Variants in SIRT1 observed in about 807,000 individuals in gnomAD.
SIRT1 encodes the protein sirtuin 1.
Under a neutral mutation model 67.9 loss-of-function variants are expected in SIRT1, and 24 were observed. The observed-to-expected ratio is 0.35, with a 90% CI of 0.26 to 0.50. The LOEUF (loss-of-function observed/expected upper bound fraction) is 0.50. Ranked by LOEUF, SIRT1 falls within the 20% of genes least tolerant of loss-of-function variation. The pLI is 0.98. For missense variants in SIRT1, 873 were observed against 937.2 expected, an observed-to-expected ratio of 0.93 and a Z score of 0.89; for synonymous variants, 378 against 350.7, an observed-to-expected ratio of 1.08 and a Z score of -0.87.
Position 67,903,088 on chromosome 10 carries a change from C to CA in SIRT1, c.943-3693dup, listed in dbSNP as rs796152702. On this transcript the variant is annotated intron_variant, in intron 4 of 8. Transcript: ENST00000212015. ...ATCCTGGGTGACAGAGCGAGACTCT[C>CA]AAAAAAAAAGGTGGGTGTGAATTTT... Among the ~76,000 whole-genome samples, 468 of 150,312 alleles carry CA rather than the reference C, an allele frequency of 3.1e-3. 1 individual carries two copies. Among genetic ancestry groups the CA allele is most frequent in the African/African-American group, 0.011 (436 of 41,048 alleles).
chr10:67,893,956 A>G (rs1842613978), intron 4 of SIRT1, among the ~76,000 whole-genome samples: 1 of 152,206 alleles, frequency 6.6e-6, no homozygotes, highest in South Asian at 2.1e-4. Context: ...AAATTATGTT[A>G]CTTAAATTGG....
rs748394475 is a variant in SIRT1 at position 67,909,293 on chromosome 10, C to A, written c.1208C>A (p.Pro403Gln). 1.9e-6 allele frequency: 3 copies of A among 1,611,318 alleles called. No individual in the cohort carries two copies. Among genetic ancestry groups the A allele is most frequent in the Non-Finnish European group, 2.5e-6 (3 of 1,179,086 alleles). The change falls in exon 7 of 9, where the codon CCG becomes CAG. Residue 403 changes from proline (P) to glutamine (Q), a missense_variant. Transcript: ENST00000212015. The stretch of plus-strand genomic sequence containing the variant: ...TGTCCTAGGTGCCCAGCTGATGAAC[C>A]GCTTGCTATCATGAAACCAGAGATT... ...PRCPRCPADE[P>Q]LAIMKPEIVF... is the part of the protein sequence containing the mutation.
intron 3 of SIRT1, 93 bp from the exon 4 acceptor site, chr10:67,891,309 C>A (rs1457372063): frequency 1.7e-6 from 2 of 1,143,418 alleles, no homozygotes; most frequent in African/African-American, 1.5e-5. Context: ...AATTTTCTTT[C>A]TCAACTCTTA....
intron 3 of SIRT1, among the ~76,000 whole-genome samples, chr10:67,890,255 C>CAA (rs1233931903): frequency 6.6e-6 from 1 of 152,122 alleles, no homozygotes; most frequent in Admixed American, 6.6e-5. Flanking sequence ...GGGGTTTCAC[C>CAA]ATATTGGCCA....
chr10:67,903,364 G>A (rs1842771885), intron 4 of SIRT1, among the ~76,000 whole-genome samples: 1 of 150,780 alleles, frequency 6.6e-6, no homozygotes, highest in African/African-American at 2.4e-5. Context: ...AATCTCTGCA[G>A]AAAAGCCATT....
At chr10:67,886,901 C>A (rs905553807) in intron 1 of SIRT1, among the ~76,000 whole-genome samples, 1 of 147,776 alleles carries the variant, frequency 6.8e-6, no homozygotes, top group East Asian at 2.0e-4. Flanking sequence ...GGTGGAGTTT[C>A]GCTCTTGTTA....
chr10:67,891,478 A>G lies in SIRT1; in HGVS notation c.866A>G (p.Asp289Gly), dbSNP rs375090685. 1 of 1,614,144 alleles carries G rather than the reference A, an allele frequency of 6.2e-7. No homozygotes were observed. The highest frequency in any genetic ancestry group is 8.5e-7 in the Non-Finnish European group (1 of 1,179,998). ...IYARLAVDFPDLPDPQAMFDI... is the reference protein window; with the variant it reads ...IYARLAVDFPGLPDPQAMFDI... ...GCTCGCCTTGCTGTAGACTTCCCAG[A>G]TCTTCCAGATCCTCAAGCGATGTTT... The change falls in exon 4 of 9, where the codon GAT (aspartate) becomes GGT (glycine). Residue 289 changes from aspartate (D) to glycine (G), a missense_variant. By Grantham distance (94) the Asp-to-Gly change is moderately conservative. Around this residue, in one of 3 missense-constraint regions of SIRT1, gnomAD observed 251 missense variants for 358.8 expected, o/e 0.70. Transcript: ENST00000212015.
rs2029918455 is a variant in SIRT1 at position 67,916,528 on chromosome 10, A to G, written c.2179A>G (p.Ile727Val). The change falls in exon 9 of 9, where the codon ATT becomes GTT. Residue 727 changes from isoleucine (I) to valine (V), a missense_variant. Around this residue, in one of 3 missense-constraint regions of SIRT1, gnomAD observed 295 missense variants for 294.5 expected, o/e 1.00. Coordinates refer to ENST00000212015, the MANE Select transcript of SIRT1 (RefSeq NM_012238.5). ...FGTDGDDQEA[I>V]NEAISVKQEV... ...GACTGATGGAGATGATCAAGAGGCA[A>G]TTAATGAAGCTATATCTGTGAAACA... 3 of 1,614,198 alleles carry G rather than the reference A, an allele frequency of 1.9e-6. No individual in the cohort carries two copies. The highest frequency in any genetic ancestry group is 8.5e-7 in the Non-Finnish European group (1 of 1,180,042).
chr10:67,900,930 G>A (rs1050146009), intron 4 of SIRT1, among the ~76,000 whole-genome samples: 1 of 152,016 alleles, frequency 6.6e-6, no homozygotes, highest in Non-Finnish European at 1.5e-5. Flanking sequence ...TATAATAGTT[G>A]TACGTGTACA....
In SIRT1 at chr10:67,909,236, C is replaced by A; in HGVS notation, c.1171-20C>A. On this transcript the variant is annotated intron_variant, in intron 6 of 8. Transcript: ENST00000212015. ...TTACTCTTTGCTTCTCTACCTCAAC[C>A]AAAATCTGAAAATATGTAGGTAGTT... The A allele has an allele frequency of 6.4e-7, 1 of 1,554,662 alleles. No homozygotes were observed. The highest frequency in any genetic ancestry group is 1.3e-5 in the South Asian group (1 of 79,558).
In SIRT1 at chr10:67,887,355, C is replaced by A. The variant is rs994218997; in HGVS notation, c.431-62C>A. On this transcript the variant is annotated intron_variant, in intron 1 of 8. Transcript: ENST00000212015. ...TCGATGAAAATGATTGCTCTATAACCGTTCATACATTTTAGGTGCATGTTG... is the reference window on the plus strand; with the variant it reads ...TCGATGAAAATGATTGCTCTATAACAGTTCATACATTTTAGGTGCATGTTG... 6.9e-6 allele frequency: 7 copies of A among 1,011,126 alleles called. No homozygotes were observed. The Admixed American group carries it at 1.0e-4, about 15-fold the overall frequency. 62.6% of individuals were successfully genotyped at this position (1,011,126 alleles called of 1,614,324 possible).
chr10:67,914,879 A>ATTTTTTTTTTTTTTT (rs11309410), intron 8 of SIRT1, among the ~76,000 whole-genome samples: 1 of 120,384 alleles, frequency 8.3e-6, no homozygotes, highest in Non-Finnish European at 1.8e-5. Context: ...ATGCTCAGCT[A>ATTTTTTTTTTTTTTT]TTTTTTTTTT....
intron 3 of SIRT1, among the ~76,000 whole-genome samples, chr10:67,890,409 A>G (rs1029136155): frequency 2.0e-5 from 3 of 152,074 alleles, no homozygotes; most frequent in African/African-American, 7.2e-5. Context: ...AGGTAATAGA[A>G]TCCTAACTAA....
In SIRT1 at chr10:67,894,673, A is replaced by T. The variant is rs147169805; in HGVS notation, c.942+3119A>T. On this transcript the variant is annotated intron_variant, in intron 4 of 8. Transcript: ENST00000212015. ...CTGAAAAAAAATTCAGTCACTTATAAGGTGTAGCCTCTTCTAATCCTGTTT... is the reference window on the plus strand; with the variant it reads ...CTGAAAAAAAATTCAGTCACTTATATGGTGTAGCCTCTTCTAATCCTGTTT... Among the ~76,000 whole-genome samples, 570 of 152,276 alleles carry T rather than the reference A, an allele frequency of 3.7e-3. 1 individual carries two copies. The highest frequency in any genetic ancestry group is 6.3e-3 in the Non-Finnish European group (428 of 68,016).
intron 4 of SIRT1, among the ~76,000 whole-genome samples, chr10:67,895,414 A>T (rs1303025343): frequency 6.6e-6 from 1 of 152,190 alleles, no homozygotes; most frequent in Non-Finnish European, 1.5e-5. Context: ...AGAGTGCAGG[A>T]TAGTATCCTG....
chr10:67,893,495 T>A (rs1368352890), intron 4 of SIRT1, among the ~76,000 whole-genome samples: 9 of 152,026 alleles, frequency 5.9e-5, no homozygotes, highest in Admixed American at 5.9e-4. Flanking sequence ...CGTTAGAAGT[T>A]GTGAATAGGG....
chr10:67,903,234 A>G (rs1842770025), intron 4 of SIRT1, among the ~76,000 whole-genome samples: 1 of 152,208 alleles, frequency 6.6e-6, no homozygotes, highest in East Asian at 1.9e-4. Context: ...AGCAGGAACT[A>G]CAGGCCTGTG....
At chr10:67,906,312 AACTT>A in intron 4 of SIRT1, 1 of 1,556,218 alleles carries the variant, frequency 6.4e-7, no homozygotes, top group South Asian at 1.2e-5. Context: ...TTTAGCTTTA[AACTT>A]CCAGCAGGTT....
chr10:67,904,721 G>A (rs925280341), intron 4 of SIRT1, among the ~76,000 whole-genome samples: 3 of 152,172 alleles, frequency 2.0e-5, no homozygotes, highest in African/African-American at 7.2e-5. Context: ...GCACATGCCT[G>A]TAATCCCAGC....
Sources: gnomAD v4.1 joint callset for allele counts (sites outside exome capture counted in the v4.1 genomes callset) on GRCh38, gnomAD v4.1.1 for gene constraint, gnomAD v4.1.1 regional missense constraint, MANE v1.5 for transcripts, NCBI Gene and HGNC (gene_info 2026-07-23, HGNC 2026-07-21) for gene names.